Variants in RIPOR2 observed in about 807,000 individuals in gnomAD.
The protein encoded by RIPOR2 is RHO family interacting cell polarization regulator 2.
In RIPOR2, 39 loss-of-function variants were observed where a neutral mutation model predicts 114.5. The ratio of observed to expected loss-of-function variants is 0.34; its 90% CI spans 0.26 to 0.44. The LOEUF (loss-of-function observed/expected upper bound fraction) is 0.44, where lower values mean the gene tolerates loss of function less well. Among genes scored for constraint, RIPOR2 ranks in the 20% least tolerant of loss-of-function variants. The pLI, the probability that RIPOR2 is intolerant of heterozygous loss-of-function variation, is 1.00. For missense variants in RIPOR2, 1,007 were observed against 1,255.1 expected, an observed-to-expected ratio of 0.80 and a Z score of 2.99; for synonymous variants, 445 against 484.4, an observed-to-expected ratio of 0.92 and a Z score of 1.07.
At chr6:24,825,938 T>TA (rs979027588) in intron 18 of RIPOR2, among the ~76,000 whole-genome samples, 17 of 150,256 alleles carry the variant, frequency 1.1e-4, no homozygotes, top group African/African-American at 3.6e-4. Flanking sequence ...TTTTTTTTTT[T>TA]TTTTGAGACA....
intron 1 of RIPOR2, among the ~76,000 whole-genome samples, chr6:25,018,104 C>T (rs1444004167): frequency 6.6e-6 from 1 of 152,180 alleles, no homozygotes; most frequent in Admixed American, 6.5e-5. Context: ...CTGCTCTTAC[C>T]TCCTTGCTTA....
At chr6:25,021,312 G>T (rs1192129701) in intron 1 of RIPOR2, among the ~76,000 whole-genome samples, 1 of 131,088 alleles carries the variant, frequency 7.6e-6, no homozygotes, top group African/African-American at 3.0e-5. Flanking sequence ...AGCTTTGAGT[G>T]CTAGAGGCAG....
chr6:24,968,165 G>A (rs9348652), intron 1 of RIPOR2, among the ~76,000 whole-genome samples: 25,437 of 151,894 alleles, frequency 0.17, 2,902 homozygotes, highest in East Asian at 0.54. Flanking sequence ...CTCAGCCTCC[G>A]AAAGTGCTGA....
rs11358710 is a variant in RIPOR2 at position 24,986,919 on chromosome 6, T to TAA, written c.76+54930_76+54931dup. 8.8e-4 allele frequency among the ~76,000 whole-genome samples: 129 copies of TAA among 145,826 alleles called. 4 individuals carry two copies. The East Asian group carries it at 0.01, about 12-fold the overall frequency. ...CGAACACTAATGGTAGCTGATGAGC[T>TAA]AAAAAAAAAAAAAATTGCAAAAAAT... is the stretch of plus-strand genomic sequence containing the variant. On this transcript the variant is annotated intron_variant, in intron 1 of 13. Transcript: ENST00000510784.
chr6:24,865,037 T>C (rs1200390485), intron 7 of RIPOR2, among the ~76,000 whole-genome samples: 1 of 152,242 alleles, frequency 6.6e-6, no homozygotes, highest in Admixed American at 6.5e-5. Context: ...AGCCTTGAAC[T>C]CCTGGGCTCA....
At chr6:24,978,513 C>T (rs1443826544) in intron 1 of RIPOR2, among the ~76,000 whole-genome samples, 1 of 152,158 alleles carries the variant, frequency 6.6e-6, no homozygotes, top group African/African-American at 2.4e-5. Flanking sequence ...AAGATGTCCC[C>T]TTCTCTCCCT....
chr6:25,005,738 T>TATATATATATATATATATATATATAC lies in RIPOR2; in HGVS notation c.76+36112_76+36113insGTATATATATATATATATATATATAT, dbSNP rs34572978. Among the ~76,000 whole-genome samples, 6 of 70,700 alleles carry TATATATATATATATATATATATATAC rather than the reference T, an allele frequency of 8.5e-5. 1 individual carries two copies. Among genetic ancestry groups the TATATATATATATATATATATATATAC allele is most frequent in the Admixed American group, 1.6e-4 (1 of 6,244 alleles). 46.4% of individuals were successfully genotyped at this position (70,700 alleles called of 152,430 possible). On this transcript the variant is annotated intron_variant, in intron 1 of 13. Coordinates refer to the RIPOR2 transcript ENST00000510784. ...ATATATATATATATATATATATATA[T>TATATATATATATATATATATATATAC]ATACATTTACCGATCAAAAGATATG...
chr6:24,825,370 A>T lies in RIPOR2; in HGVS notation c.2724T>A (p.Ser908Arg), dbSNP rs1760069719. The change falls in exon 19 of 22, where the codon AGT (serine) becomes AGA (arginine). Residue 908 changes from serine (S) to arginine (R), a missense_variant. Transcript: ENST00000643898. Reference protein sequence around the residue: ...LRDEKLLQTMSDLAPSNLLAQ... With the variant: ...LRDEKLLQTMRDLAPSNLLAQ... ...CCAGGAGGTTGCTGGGAGCAAGGTC[A>T]CTCATGGTTTGTAGCAGTTTTTCAT... 1 of 1,552,150 alleles carries T rather than the reference A, an allele frequency of 6.4e-7. No homozygotes were observed. The highest frequency in any genetic ancestry group is 8.7e-7 in the Non-Finnish European group (1 of 1,147,064).
chr6:24,840,752 C>T (rs781764726), intron 13 of RIPOR2: 1 of 1,535,550 alleles, frequency 6.5e-7, no homozygotes, highest in Non-Finnish European at 8.7e-7. Context: ...CATTTAGTTT[C>T]TGATCGTCAA....
intron 21 of RIPOR2, among the ~76,000 whole-genome samples, chr6:24,809,459 C>G (rs766764907): frequency 6.6e-6 from 1 of 152,208 alleles, no homozygotes; most frequent in African/African-American, 2.4e-5. Flanking sequence ...AAATAGTACA[C>G]AGACTGATCA....
At chr6:24,893,903 C>T (rs1399633222) in intron 1 of RIPOR2, among the ~76,000 whole-genome samples, 1 of 152,174 alleles carries the variant, frequency 6.6e-6, no homozygotes, top group South Asian at 2.1e-4. Context: ...GAAACAAATG[C>T]GCAATTTGAG....
chr6:25,042,012 T>C, exon 1 of RIPOR2: 1 of 501,476 alleles, frequency 2.0e-6, no homozygotes, highest in Non-Finnish European at 3.5e-6. Context: ...TCCAGACGTA[T>C]AAAAATGAAA....
chr6:24,830,432 C>T (rs1760574564), intron 17 of RIPOR2, 77 bp downstream of exon 17: 3 of 1,241,176 alleles, frequency 2.4e-6, no homozygotes, highest in Non-Finnish European at 3.4e-6. Context: ...TAGGAGGACC[C>T]CTCTCCCCCG....
rs1421720513 is a variant in RIPOR2, at chr6:24,865,407, T to A, written c.545A>T (p.Gln182Leu). Residue 182 changes from glutamine to leucine, a missense_variant, in exon 7 of 22, where the codon CAG becomes CTG. Gln to Leu is a moderately radical substitution (Grantham distance 113, BLOSUM62 -2). Transcript: ENST00000643898. ...YEAYCIQRRL[Q>L]DGASKMKQAF... The stretch of plus-strand genomic sequence containing the variant: ...TTGCTTCATTTTGCTGGCACCATCC[T>A]GGAGGCGTCGCTGGATACAATAAGC... 6 of 1,613,630 alleles carry A rather than the reference T, an allele frequency of 3.7e-6. No homozygotes were observed. Among genetic ancestry groups the A allele is most frequent in the Non-Finnish European group, 5.1e-6 (6 of 1,179,666 alleles).
intron 1 of RIPOR2, chr6:25,023,959 G>C (rs1222514301): frequency 1.4e-6 from 1 of 730,436 alleles, no homozygotes; most frequent in African/African-American, 1.7e-5. Flanking sequence ...CATGTTCCAC[G>C]GGTTCTTGGG....
At chr6:24,930,096 A>G (rs1392386520) in intron 1 of RIPOR2, among the ~76,000 whole-genome samples, 1 of 152,186 alleles carries the variant, frequency 6.6e-6, no homozygotes, top group Non-Finnish European at 1.5e-5. Context: ...CAGGAGGCAT[A>G]GTTAGCCAGA....
chr6:24,968,266 T>C (rs1773623400), intron 1 of RIPOR2, among the ~76,000 whole-genome samples: 1 of 152,164 alleles, frequency 6.6e-6, no homozygotes, highest in Admixed American at 6.5e-5. Flanking sequence ...CTCGATACCA[T>C]CTTTCAAATG....
At chr6:24,847,219 C>G (rs1562254649) in intron 12 of RIPOR2, among the ~76,000 whole-genome samples, 1 of 152,220 alleles carries the variant, frequency 6.6e-6, no homozygotes, top group Non-Finnish European at 1.5e-5. Context: ...TCCCAAAGTG[C>G]TGGGATTACA....
intron 14 of RIPOR2, 105 bp from the exon 15 acceptor site, chr6:24,835,976 T>C (rs1223048868): frequency 9.8e-7 from 1 of 1,019,622 alleles, no homozygotes; most frequent in South Asian, 1.6e-5. Context: ...CTGAAAACAG[T>C]CTTTCACTTG....
Sources: allele counts gnomAD v4.1 joint callset (sites outside exome capture counted in the v4.1 genomes callset), GRCh38; gene constraint gnomAD v4.1.1; transcripts MANE v1.5; gene names NCBI Gene and HGNC (gene_info 2026-07-23, HGNC 2026-07-21).